The following MIOX variants were observed in gnomAD, a reference collection of about 807,000 sequenced individuals.
MIOX encodes the protein inositol oxygenase.
Under a neutral mutation model 42.7 loss-of-function variants are expected in MIOX, and 51 were observed. That is an observed-to-expected ratio of 1.19 (90% CI 0.95 to 1.51). The LOEUF (loss-of-function observed/expected upper bound fraction) is 1.51, where lower values mean the gene tolerates loss of function less well. Among genes scored for constraint, MIOX ranks in the 40% most tolerant of loss-of-function variants. MIOX has a pLI of 0.00. For missense variants in MIOX, 395 were observed against 381.3 expected (o/e 1.04, Z -0.30); for synonymous variants, 168 against 154.4 (o/e 1.09, Z -0.65).
At chr22:50,488,246 C>T (rs984937739) in intron 4 of MIOX, 29 bp from the exon 5 acceptor site, 2 of 1,613,412 alleles carry the variant, frequency 1.2e-6, no homozygotes, top group African/African-American at 2.7e-5. Flanking sequence ...CCTGCAGTCC[C>T]CAACCTGCCC....
Position 50,489,660 on chromosome 22 carries a change from C to G in MIOX, c.749+16C>G. The stretch of plus-strand genomic sequence containing the variant: ...GGGAGTTCAAGTACGCCCCGCTACC[C>G]GCCGAGGGGTGTTGTGGGAGTGAAA... On this transcript the variant is annotated intron_variant, in intron 9 of 9. Coordinates refer to ENST00000216075, the MANE Select transcript of MIOX (RefSeq NM_017584.6). 1 of 1,519,420 alleles carries G rather than the reference C, an allele frequency of 6.6e-7. No homozygotes were observed. 94.1% of individuals were successfully genotyped at this position (1,519,420 alleles called of 1,614,324 possible).
Position 50,488,048 on chromosome 22 carries a change from G to C in MIOX, c.340G>C (p.Asp114His), listed in dbSNP as rs750700796. Residue 114 changes from aspartate to histidine, a missense_variant and splice_region_variant, in exon 4 of 10, where the codon GAC becomes CAC. Asp to His is a moderately conservative substitution (Grantham distance 81). Transcript: ENST00000216075. ...EGIRKAHPDKDWFHLVGLLHD... is the reference protein window; with the variant it reads ...EGIRKAHPDKHWFHLVGLLHD... ...CATCCGGAAGGCCCACCCAGACAAG[G>C]GTGAGCCCTGGCTGTGCTGCAGGGG... The C allele has an allele frequency of 1.2e-5, 19 of 1,613,372 alleles. No individual in the cohort carries two copies. The highest frequency in any genetic ancestry group is 1.6e-5 in the Non-Finnish European group (19 of 1,179,836).
At chr22:50,487,778 G>A (rs1194098075) in intron 3 of MIOX, 36 bp downstream of exon 3, 32 of 1,612,204 alleles carry the variant, frequency 2.0e-5, no homozygotes, top group Non-Finnish European at 2.7e-5. Context: ...AAACGCGGAG[G>A]GACCCTTGCC....
At position 50,490,088 on chromosome 22, in the gene MIOX, G is replaced by GGCC. The variant is rs1168429367; in HGVS notation, c.*234_*236dup. On this transcript the variant is annotated 3_prime_UTR_variant, in exon 10 of 10. Coordinates refer to ENST00000216075, the MANE Select transcript of MIOX (RefSeq NM_017584.6). ...TGTTACTGCAGCAGGGCGTGGCCCA[G>GGCC]GCCGAGGGATGGTGCCAGCAGGGTG... 1.8e-5 allele frequency: 10 copies of GGCC among 561,818 alleles called. No homozygotes were observed. The highest frequency in any genetic ancestry group is 2.9e-5 in the Non-Finnish European group (9 of 311,824). 34.8% of individuals were successfully genotyped at this position (561,818 alleles called of 1,614,324 possible).
chr22:50,487,761 C>A lies in MIOX; in HGVS notation c.177+19C>A, dbSNP rs761390587. On this transcript the variant is annotated intron_variant, in intron 3 of 9. Coordinates refer to ENST00000216075, the MANE Select transcript of MIOX (RefSeq NM_017584.6). Reference sequence around the variant, plus strand: ...GAGCAAGGTAGGCGTTTCCTGCCGCCCCGTGCAAACGCGGAGGGACCCTTG... The same window carrying A: ...GAGCAAGGTAGGCGTTTCCTGCCGCACCGTGCAAACGCGGAGGGACCCTTG... The A allele has an allele frequency of 1.2e-6, 2 of 1,613,270 alleles. No homozygotes were observed. The highest frequency in any genetic ancestry group is 2.2e-5 in the South Asian group (2 of 91,016).
At chr22:50,487,487 C>A in intron 2 of MIOX, 22 bp downstream of exon 2, 1 of 1,573,354 alleles carries the variant, frequency 6.4e-7, no homozygotes, top group East Asian at 2.2e-5. Flanking sequence ...GCCGTCCTGC[C>A]CCCCTTCTCC....
Position 50,488,319 on chromosome 22 carries a change from C to A in MIOX, c.385C>A (p.Leu129Met), listed in dbSNP as rs780882053. ...VGLLHDLGKV[L>M]ALFGEPQWAV... ...GCTCCTGCACGACCTGGGGAAGGTC[C>A]TGGCCCTGTTCGGGGAGCCCCAGGT... Residue 129 changes from leucine (L) to methionine (M), a missense_variant, in exon 5 of 10, where the codon CTG becomes ATG. By Grantham distance (15) the Leu-to-Met change is conservative. Coordinates refer to ENST00000216075, the MANE Select transcript of MIOX (RefSeq NM_017584.6). The A allele has an allele frequency of 6.2e-7, 1 of 1,609,396 alleles. No individual in the cohort carries two copies. Among genetic ancestry groups the A allele is most frequent in the South Asian group, 1.1e-5 (1 of 90,606 alleles).
At position 50,490,045 on chromosome 22, in the gene MIOX, T is replaced by C. The variant is rs1371385490; in HGVS notation, c.*189T>C. 1 of 607,416 alleles carries C rather than the reference T, an allele frequency of 1.6e-6. No homozygotes were observed. The highest frequency in any genetic ancestry group is 2.9e-6 in the Non-Finnish European group (1 of 341,426). 37.6% of individuals were successfully genotyped at this position (607,416 alleles called of 1,614,324 possible). On this transcript the variant is annotated 3_prime_UTR_variant, in exon 10 of 10. Coordinates refer to ENST00000216075, the MANE Select transcript of MIOX (RefSeq NM_017584.6). ...ATAAAGACCTGGAAGGATGTTGTGCTTCTGAAGCCCCACTGGGTGTTACTG... is the reference window on the plus strand; with the variant it reads ...ATAAAGACCTGGAAGGATGTTGTGCCTCTGAAGCCCCACTGGGTGTTACTG...
Position 50,490,207 on chromosome 22 carries a change from G to A in MIOX, c.*351G>A. ...CTCCCAGCTCCTGTGTCAGAGCCTG[G>A]GGGACGAGTCACCCAGCTCACCCCC... On this transcript the variant is annotated 3_prime_UTR_variant, in exon 10 of 10. Transcript: ENST00000216075. 3.2e-6 allele frequency: 1 copy of A among 316,654 alleles called. No individual in the cohort carries two copies. Among genetic ancestry groups the A allele is most frequent in the South Asian group, 4.0e-5 (1 of 24,708 alleles). 19.6% of individuals were successfully genotyped at this position (316,654 alleles called of 1,614,324 possible).
At chr22:50,488,916 G>A (rs1309785822) in intron 5 of MIOX, 124 bp from the exon 6 acceptor site, 34 of 654,750 alleles carry the variant, frequency 5.2e-5, no homozygotes, top group East Asian at 4.2e-4. Flanking sequence ...GGCAGTCATC[G>A]GTGACACCTT....
intron 5 of MIOX, among the ~76,000 whole-genome samples, chr22:50,488,675 T>C (rs149263115): frequency 0.05 from 5,865 of 116,352 alleles, 166 homozygotes; most frequent in Non-Finnish European, 0.063. Flanking sequence ...TGGCCGCCTG[T>C]CCCTCCTGTC....
At position 50,487,880 on chromosome 22, in the gene MIOX, C is replaced by A. The variant is rs762569510; in HGVS notation, c.178-6C>A. The A allele has an allele frequency of 6.2e-7, 1 of 1,613,664 alleles. No homozygotes were observed. The highest frequency in any genetic ancestry group is 1.1e-5 in the South Asian group (1 of 91,080). ...TGGGCCACACTGCCTTCTCCTTCCCCGCCAGCATGCCCAGTTTGGGGGCTT... is the reference window on the plus strand; with the variant it reads ...TGGGCCACACTGCCTTCTCCTTCCCAGCCAGCATGCCCAGTTTGGGGGCTT... On this transcript the variant is annotated splice_polypyrimidine_tract_variant and splice_region_variant and intron_variant, in intron 3 of 9. Coordinates refer to ENST00000216075, the MANE Select transcript of MIOX (RefSeq NM_017584.6).
In MIOX at chr22:50,490,282, A is replaced by T. The variant is rs1158611146; in HGVS notation, c.*426A>T. On this transcript the variant is annotated 3_prime_UTR_variant, in exon 10 of 10. Coordinates refer to ENST00000216075, the MANE Select transcript of MIOX (RefSeq NM_017584.6). ...CCTCTGGGCTCCGTCCCCTTAAAAA[A>T]TACCCCAATAGCTAAAATAATACAT... 4.8e-6 allele frequency: 1 copy of T among 206,596 alleles called. No individual in the cohort carries two copies. Among genetic ancestry groups the T allele is most frequent in the African/African-American group, 2.3e-5 (1 of 43,880 alleles). 12.8% of individuals were successfully genotyped at this position (206,596 alleles called of 1,614,324 possible). A position where few individuals can be genotyped will look rare whatever the true frequency, so the allele number is the denominator to read the frequency against.
chr22:50,489,456 G>T lies in MIOX; in HGVS notation c.636+10G>T, dbSNP rs745311688. On this transcript the variant is annotated intron_variant, in intron 8 of 9. Coordinates refer to ENST00000216075, the MANE Select transcript of MIOX (RefSeq NM_017584.6). ...CTCACTGCCCCCTGAGGTAGGTGGG[G>T]GGAGGGGCAACGCAGCCCGTCCACC... 1 of 1,608,300 alleles carries T rather than the reference G, an allele frequency of 6.2e-7. No homozygotes were observed. Among genetic ancestry groups the T allele is most frequent in the Non-Finnish European group, 8.5e-7 (1 of 1,177,630 alleles).
chr22:50,488,413 T>C, intron 5 of MIOX, 71 bp downstream of exon 5: 1 of 1,323,158 alleles, frequency 7.6e-7, no homozygotes, highest in Non-Finnish European at 1.1e-6. Flanking sequence ...GCCTTGGTGC[T>C]TGGCCTGGGA....
At chr22:50,487,244 G>A (rs983338249) in intron 1 of MIOX, 141 bp from the exon 2 acceptor site, 63 of 726,856 alleles carry the variant, frequency 8.7e-5, no homozygotes, top group Middle Eastern at 7.7e-4. Flanking sequence ...ATGATGGCGT[G>A]GGAGAGGCTG....
chr22:50,487,863 A>G lies in MIOX; in HGVS notation c.178-23A>G, dbSNP rs8142721. On this transcript the variant is annotated intron_variant, in intron 3 of 9. Transcript: ENST00000216075. Reference sequence around the variant, plus strand: ...GGTGGGCCTGCTGACCCTGGGCCACACTGCCTTCTCCTTCCCCGCCAGCAT... The same window carrying G: ...GGTGGGCCTGCTGACCCTGGGCCACGCTGCCTTCTCCTTCCCCGCCAGCAT... The G allele has an allele frequency of 3.1e-6, 5 of 1,613,348 alleles. No individual in the cohort carries two copies. The Admixed American group carries it at 5.0e-5, about 16-fold the overall frequency.
chr22:50,489,839 G>T lies in MIOX; in HGVS notation c.841G>T (p.Gly281Cys). The change falls in exon 10 of 10, where the codon GGC becomes TGC. Residue 281 changes from glycine (G) to cysteine (C), a missense_variant. Transcript: ENST00000216075. Reference sequence around the variant, plus strand: ...GGGGCTCATTGACAAGTACTGCCCTGGCATCCTGAGCTGGTGACCCTCCTG... The same window carrying T: ...GGGGCTCATTGACAAGTACTGCCCTTGCATCCTGAGCTGGTGACCCTCCTG... ...YQGLIDKYCP[G>C]ILSW 6.2e-7 allele frequency: 1 copy of T among 1,610,586 alleles called. No homozygotes were observed.
At chr22:50,487,858 G>A (rs746987867) in intron 3 of MIOX, 28 bp from the exon 4 acceptor site, 11 of 1,613,024 alleles carry the variant, frequency 6.8e-6, no homozygotes, top group Middle Eastern at 1.6e-4. Flanking sequence ...CTGACCCTGG[G>A]CCACACTGCC....
Sources: allele counts gnomAD v4.1 joint callset (sites outside exome capture counted in the v4.1 genomes callset), GRCh38; gene constraint gnomAD v4.1.1; transcripts MANE v1.5; gene names NCBI Gene and HGNC (gene_info 2026-07-23, HGNC 2026-07-21).